The following PTPRN2 variants were observed in gnomAD, a reference collection of about 807,000 sequenced individuals.
PTPRN2 encodes the protein receptor-type tyrosine-protein phosphatase N2.
Under a neutral mutation model 118.8 loss-of-function variants are expected in PTPRN2, and 74 were observed. The ratio of observed to expected loss-of-function variants is 0.62; its 90% CI spans 0.52 to 0.76. PTPRN2 has a LOEUF of 0.76. Ranked by LOEUF, PTPRN2 falls within the 30% of genes least tolerant of loss-of-function variation. The pLI, the probability that PTPRN2 is intolerant of heterozygous loss-of-function variation, is 0.00. For synonymous variants in PTPRN2, 641 were observed against 608.0 expected (o/e 1.05, Z -0.80); for missense variants, 1,481 against 1,394.4 (o/e 1.06, Z -0.99).
intron 11 of PTPRN2, among the ~76,000 whole-genome samples, chr7:158,070,849 TG>T (rs1811307761): frequency 1.2e-5 from 1 of 84,838 alleles, no homozygotes; most frequent in Non-Finnish European, 2.2e-5. Context: ...CATGGTGGTA[TG>T]GAGGTGCCCG....
At chr7:158,532,626 T>A in intron 1 of PTPRN2, 3 of 445,686 alleles carry the variant, frequency 6.7e-6, no homozygotes, top group Non-Finnish European at 9.3e-6. Context: ...ACCAAAAACG[T>A]CACTAAACTT....
chr7:157,802,473 C>T (rs1032682015), intron 12 of PTPRN2, among the ~76,000 whole-genome samples: 5 of 152,210 alleles, frequency 3.3e-5, no homozygotes, highest in South Asian at 2.1e-4. Context: ...CTTTCCTGCC[C>T]GCTCGTCCCT....
chr7:158,077,424 A>G (rs1488126477), intron 11 of PTPRN2, among the ~76,000 whole-genome samples: 1 of 152,182 alleles, frequency 6.6e-6, no homozygotes, highest in Non-Finnish European at 1.5e-5. Flanking sequence ...TGAAAGAAAC[A>G]ATGGCAGCTG....
chr7:158,116,533 C>A (rs767547363), intron 9 of PTPRN2, among the ~76,000 whole-genome samples: 8 of 152,260 alleles, frequency 5.3e-5, no homozygotes, highest in Admixed American at 1.3e-4. Flanking sequence ...CCTGCACACA[C>A]TGGCAGGAGC....
chr7:158,130,352 G>GAC (rs1464946284), intron 9 of PTPRN2, among the ~76,000 whole-genome samples: 1 of 151,168 alleles, frequency 6.6e-6, no homozygotes, highest in Admixed American at 6.6e-5. Flanking sequence ...ACATCTACCC[G>GAC]ACACACACAC....
At chr7:158,045,305 A>C (rs1808761050) in intron 11 of PTPRN2, among the ~76,000 whole-genome samples, 2 of 152,212 alleles carry the variant, frequency 1.3e-5, no homozygotes, top group African/African-American at 2.4e-5. Flanking sequence ...ATGGCTGGAG[A>C]AATAAATTTT....
At chr7:157,605,396 C>T (rs1801943913) in intron 15 of PTPRN2, among the ~76,000 whole-genome samples, 1 of 152,222 alleles carries the variant, frequency 6.6e-6, no homozygotes, top group Non-Finnish European at 1.5e-5. Flanking sequence ...GAGTCACAGG[C>T]CTAGCTCCGG....
chr7:158,285,232 C>T (rs1473118405), intron 3 of PTPRN2, among the ~76,000 whole-genome samples: 1 of 152,184 alleles, frequency 6.6e-6, no homozygotes, highest in Non-Finnish European at 1.5e-5. Flanking sequence ...AAGAAAAGGG[C>T]ACTCGCGGTC....
At chr7:158,168,054 T>A (rs1378647736) in intron 5 of PTPRN2, among the ~76,000 whole-genome samples, 1 of 152,252 alleles carries the variant, frequency 6.6e-6, no homozygotes, top group East Asian at 1.9e-4. Context: ...TTTAACTGAC[T>A]GAGGAACTCC....
intron 12 of PTPRN2, among the ~76,000 whole-genome samples, chr7:157,838,013 G>A (rs369934591): frequency 4.6e-4 from 52 of 113,808 alleles, no homozygotes; most frequent in Middle Eastern, 6.4e-3. Context: ...AGTTCCTCTC[G>A]TAGTGGATGG....
intron 2 of PTPRN2, among the ~76,000 whole-genome samples, chr7:158,458,733 G>C (rs975779936): frequency 3.9e-5 from 6 of 152,108 alleles, no homozygotes; most frequent in African/African-American, 1.4e-4. Context: ...TGTGAAGCCG[G>C]TACCCCCATA....
chr7:158,327,138 CAT>C (rs1803662231), intron 2 of PTPRN2, among the ~76,000 whole-genome samples: 3 of 20,928 alleles, frequency 1.4e-4, no homozygotes, highest in South Asian at 1.6e-3. Context: ...CATACACACT[CAT>C]ATCCACACAC....
At chr7:158,286,584 G>A (rs544469376) in intron 3 of PTPRN2, among the ~76,000 whole-genome samples, 16 of 152,186 alleles carry the variant, frequency 1.1e-4, no homozygotes, top group Middle Eastern at 3.4e-3. Flanking sequence ...GTGTTTTGTT[G>A]TATGTTTTTT....
chr7:157,742,785 G>C (rs1374640897), intron 12 of PTPRN2, among the ~76,000 whole-genome samples: 2 of 152,154 alleles, frequency 1.3e-5, no homozygotes, highest in Non-Finnish European at 2.9e-5. Flanking sequence ...TTGACACATT[G>C]GGCAGAAAGA....
intron 5 of PTPRN2, among the ~76,000 whole-genome samples, chr7:158,175,667 C>A (rs1824124754): frequency 6.6e-6 from 1 of 152,162 alleles, no homozygotes; most frequent in Non-Finnish European, 1.5e-5. Flanking sequence ...GTATACGGTG[C>A]TATCTCTGCA....
chr7:157,546,895 T>C (rs123776), intron 22 of PTPRN2, among the ~76,000 whole-genome samples: 146,369 of 152,362 alleles, frequency 0.96, 70,400 homozygotes, highest in Middle Eastern at 1. Context: ...ACAGGATACA[T>C]ACAATGGGAG....
intron 12 of PTPRN2, among the ~76,000 whole-genome samples, chr7:157,871,429 C>T (rs1367504350): frequency 6.6e-6 from 1 of 152,112 alleles, no homozygotes; most frequent in East Asian, 1.9e-4. Context: ...TCTGAGAGAA[C>T]TTGTAAGATG....
intron 22 of PTPRN2, among the ~76,000 whole-genome samples, chr7:157,543,516 A>G (rs1218798721): frequency 6.6e-6 from 1 of 152,198 alleles, no homozygotes; most frequent in Non-Finnish European, 1.5e-5. Flanking sequence ...GGAGGGATGG[A>G]GGCTGCAGGA....
chr7:158,449,390 C>G (rs1563308148), intron 2 of PTPRN2, among the ~76,000 whole-genome samples: 1 of 152,196 alleles, frequency 6.6e-6, no homozygotes, highest in African/African-American at 2.4e-5. Context: ...TCAGTTTGCT[C>G]GAAGAGTGGA....
Sources: allele counts gnomAD v4.1 joint callset (sites outside exome capture counted in the v4.1 genomes callset), GRCh38; gene constraint gnomAD v4.1.1; transcripts MANE v1.5; gene names NCBI Gene and HGNC (gene_info 2026-07-23, HGNC 2026-07-21).